ITGBL1: variants seen among roughly 807,000 people sequenced by gnomAD.
ITGBL1 encodes the protein integrin subunit beta like 1.
Under a neutral mutation model 68.5 loss-of-function variants are expected in ITGBL1, and 51 were observed. That is an observed-to-expected ratio of 0.74 (90% CI 0.59 to 0.94). The LOEUF is 0.94. Ranked by LOEUF, ITGBL1 falls within the 40% of genes least tolerant of loss-of-function variation. The pLI is 0.00. For missense variants in ITGBL1, 649 were observed against 647.4 expected, an observed-to-expected ratio of 1.00 and a Z score of -0.03; for synonymous variants, 209 against 227.3, an observed-to-expected ratio of 0.92 and a Z score of 0.72.
chr13:101,704,484 T>TAAAAAAAAAAAAAA (rs57687698), intron 8 of ITGBL1, among the ~76,000 whole-genome samples: 1 of 105,370 alleles, frequency 9.5e-6, no homozygotes, highest in Non-Finnish European at 1.8e-5. Context: ...ATTCATTCAG[T>TAAAAAAAAAAAAAA]AAAAAAAAAA....
intron 2 of ITGBL1, among the ~76,000 whole-genome samples, chr13:101,464,185 C>A (rs909750492): frequency 2.0e-5 from 3 of 152,166 alleles, no homozygotes; most frequent in Non-Finnish European, 2.9e-5. Context: ...AGGCATGAGC[C>A]ACCACGCCTG....
intron 7 of ITGBL1, among the ~76,000 whole-genome samples, chr13:101,689,965 TG>T (rs893547740): frequency 8.5e-5 from 13 of 152,254 alleles, no homozygotes; most frequent in Non-Finnish European, 1.5e-4. Context: ...CTATTTTTGG[TG>T]CCCATCCTAA....
chr13:101,693,045 A>G (rs1419227179), intron 8 of ITGBL1: 1 of 191,372 alleles, frequency 5.2e-6, no homozygotes, highest in Admixed American at 5.7e-5. Flanking sequence ...AGAAAGTATA[A>G]TATCACCCAC....
intron 2 of ITGBL1, among the ~76,000 whole-genome samples, chr13:101,473,240 AAG>A (rs2048487602): frequency 6.6e-6 from 1 of 152,172 alleles, no homozygotes; most frequent in Non-Finnish European, 1.5e-5. Context: ...ATATCAAAGA[AAG>A]AGGCAATGAA....
chr13:101,632,575 C>G (rs928906461), intron 7 of ITGBL1, among the ~76,000 whole-genome samples: 2 of 152,112 alleles, frequency 1.3e-5, no homozygotes, highest in Admixed American at 1.3e-4. Context: ...GGTAAGTGAA[C>G]CACCACTTAC....
chr13:101,562,822 C>T, intron 2 of ITGBL1, among the ~76,000 whole-genome samples: 1 of 151,740 alleles, frequency 6.6e-6, no homozygotes, highest in East Asian at 1.9e-4. Context: ...ACCAAATTGA[C>T]ATTTATAGAA....
At chr13:101,478,816 T>C (rs930295060) in intron 2 of ITGBL1, among the ~76,000 whole-genome samples, 1 of 151,916 alleles carries the variant, frequency 6.6e-6, no homozygotes, top group Non-Finnish European at 1.5e-5. Flanking sequence ...TGAAGAGGAC[T>C]CAAAAAATGG....
chr13:101,689,211 T>TAAAAAAAAAAAAAAAAAAAAAAAAAAAAA lies in ITGBL1; in HGVS notation c.1016-3352_1016-3351insAAAAAAAAAAAAAAAAAAAAAAAAAAAAA, dbSNP rs34627046. On this transcript the variant is annotated intron_variant, in intron 7 of 10. Coordinates refer to ENST00000376180, the MANE Select transcript of ITGBL1 (RefSeq NM_004791.3). ...CCTGGGGACAGAGCAAGACTCTGCCTAAAAAAAAAAAAAAAAAAAAAATTA... is the reference window on the plus strand; with the variant it reads ...CCTGGGGACAGAGCAAGACTCTGCCTAAAAAAAAAAAAAAAAAAAAAAAAAAAAAAAAAAAAAAAAAAAAAAAAAAATTA... 1.1e-3 allele frequency among the ~76,000 whole-genome samples: 83 copies of TAAAAAAAAAAAAAAAAAAAAAAAAAAAAA among 74,854 alleles called. 8 individuals carry two copies. The highest frequency in any genetic ancestry group is 1.8e-3 in the South Asian group (2 of 1,102). 49.1% of individuals were successfully genotyped at this position (74,854 alleles called of 152,430 possible).
chr13:101,673,332 G>C (rs1006574915), intron 7 of ITGBL1, among the ~76,000 whole-genome samples: 6 of 152,162 alleles, frequency 3.9e-5, no homozygotes, highest in Admixed American at 1.3e-4. Context: ...CCCTTAGCCT[G>C]CCCAATGGGT....
At chr13:101,541,529 T>C (rs1371899445) in intron 2 of ITGBL1, among the ~76,000 whole-genome samples, 1 of 152,190 alleles carries the variant, frequency 6.6e-6, no homozygotes, top group Non-Finnish European at 1.5e-5. Context: ...TGTTGTTGTG[T>C]CTCTGCCAGG....
intron 7 of ITGBL1, among the ~76,000 whole-genome samples, chr13:101,688,076 A>G (rs2033796453): frequency 6.6e-6 from 1 of 152,094 alleles, no homozygotes; most frequent in East Asian, 1.9e-4. Flanking sequence ...TTTAGTAAAC[A>G]AAAGAAAAAG....
intron 2 of ITGBL1, among the ~76,000 whole-genome samples, chr13:101,555,301 T>A (rs955748438): frequency 1.3e-5 from 2 of 152,196 alleles, no homozygotes; most frequent in Non-Finnish European, 1.5e-5. Context: ...CAATATGTTG[T>A]GCACATAAAA....
At chr13:101,466,958 G>A (rs1345991415) in intron 2 of ITGBL1, among the ~76,000 whole-genome samples, 2 of 152,238 alleles carry the variant, frequency 1.3e-5, no homozygotes, top group East Asian at 3.9e-4. Flanking sequence ...TCACAGTTCT[G>A]GAGGCTGGGA....
At chr13:101,461,569 G>T (rs1438967965) in intron 2 of ITGBL1, among the ~76,000 whole-genome samples, 1 of 152,128 alleles carries the variant, frequency 6.6e-6, no homozygotes, top group Non-Finnish European at 1.5e-5. Flanking sequence ...AGTGGTGGGT[G>T]ACTGTAGTGC....
At position 101,671,427 on chromosome 13, in the gene ITGBL1, TTTTTTTTTTG is replaced by T. The variant is rs1219425040; in HGVS notation, c.1016-21137_1016-21128del. On this transcript the variant is annotated intron_variant, in intron 7 of 10. Coordinates refer to ENST00000376180, the MANE Select transcript of ITGBL1 (RefSeq NM_004791.3). ...GCTATTTGACAAAAGTATACCTTTG[TTTTTTTTTTG>T]TTTTTTTTTGTTTTTTTTTGAGACG... Among the ~76,000 whole-genome samples, 15 of 73,446 alleles carry T rather than the reference TTTTTTTTTTG, an allele frequency of 2.0e-4. 1 individual carries two copies. The highest frequency in any genetic ancestry group is 3.3e-4 in the African/African-American group (9 of 26,942). 48.2% of individuals were successfully genotyped at this position (73,446 alleles called of 152,430 possible). A position where few individuals can be genotyped will look rare whatever the true frequency, so the allele number is the denominator to read the frequency against.
chr13:101,698,590 G>A (rs942979595), intron 8 of ITGBL1, among the ~76,000 whole-genome samples: 2 of 152,148 alleles, frequency 1.3e-5, no homozygotes, highest in Admixed American at 6.5e-5. Flanking sequence ...GACTGTCTGT[G>A]GATGTTCTCA....
chr13:101,674,658 C>T (rs758629083), intron 7 of ITGBL1, among the ~76,000 whole-genome samples: 3 of 151,704 alleles, frequency 2.0e-5, no homozygotes, highest in Non-Finnish European at 4.4e-5. Flanking sequence ...GATAAAGCAA[C>T]CCTCTATTCC....
chr13:101,555,125 A>G (rs2049983849), intron 2 of ITGBL1, among the ~76,000 whole-genome samples: 1 of 152,206 alleles, frequency 6.6e-6, no homozygotes. Flanking sequence ...AAAAAGTGAC[A>G]ATATTAATAT....
intron 7 of ITGBL1, among the ~76,000 whole-genome samples, chr13:101,622,087 T>C (rs1305751469): frequency 6.6e-6 from 1 of 152,190 alleles, no homozygotes; most frequent in East Asian, 1.9e-4. Flanking sequence ...CACAGAGTGT[T>C]GATTGACTTC....
Sources: allele counts gnomAD v4.1 joint callset (sites outside exome capture counted in the v4.1 genomes callset), GRCh38; gene constraint gnomAD v4.1.1; transcripts MANE v1.5; gene names NCBI Gene and HGNC (gene_info 2026-07-23, HGNC 2026-07-21).